SLC35F5: variants seen among roughly 807,000 people sequenced by gnomAD.
SLC35F5 encodes the protein solute carrier family 35 member F5, also known as HCV NS5A-transactivated protein 3.
Under a neutral mutation model 68.6 loss-of-function variants are expected in SLC35F5, and 54 were observed. The observed-to-expected ratio is 0.79, with a 90% CI of 0.63 to 0.99. The LOEUF is 0.99. SLC35F5 is among the 50% of genes least tolerant of loss of function. The pLI is 0.00. For synonymous variants in SLC35F5, 211 were observed against 205.2 expected, an observed-to-expected ratio of 1.03 and a Z score of -0.24; for missense variants, 567 against 626.9, an observed-to-expected ratio of 0.90 and a Z score of 1.02.
At chr2:113,724,718 T>C (rs1687590385) in intron 12 of SLC35F5, among the ~76,000 whole-genome samples, 2 of 152,138 alleles carry the variant, frequency 1.3e-5, no homozygotes, top group Non-Finnish European at 2.9e-5. Context: ...CATTTCAAGT[T>C]TCTATTAAAT....
chr2:113,735,803 ATAGCAACTT>A lies in SLC35F5; in HGVS notation c.797_805del (p.Gln266_Ile269delinsLeu). 1 of 1,607,478 alleles carries A rather than the reference ATAGCAACTT, an allele frequency of 6.2e-7. No homozygotes were observed. The highest frequency in any genetic ancestry group is 8.5e-7 in the Non-Finnish European group (1 of 1,177,588). On this transcript the variant is annotated inframe_deletion, in exon 8 of 16. Coordinates refer to ENST00000245680, the MANE Select transcript of SLC35F5 (RefSeq NM_025181.5). ...GGAAGTTGAAGATAAAATATTAACT[ATAGCAACTT>A]GTGTGTCTGAAAGTGCTTCTTGATA...
At chr2:113,730,352 T>C (rs541212129) in intron 10 of SLC35F5, among the ~76,000 whole-genome samples, 4 of 152,310 alleles carry the variant, frequency 2.6e-5, no homozygotes, top group African/African-American at 9.6e-5. Flanking sequence ...ACGAATGTTT[T>C]ATTAAATTTT....
At chr2:113,743,382 T>C (rs563520257) in intron 6 of SLC35F5, among the ~76,000 whole-genome samples, 1 of 152,200 alleles carries the variant, frequency 6.6e-6, no homozygotes, top group Non-Finnish European at 1.5e-5. Context: ...AAAACTCTTA[T>C]AATTTGCTAT....
intron 9 of SLC35F5, among the ~76,000 whole-genome samples, chr2:113,731,874 T>C (rs1329530325): frequency 1.3e-5 from 2 of 152,152 alleles, no homozygotes; most frequent in Non-Finnish European, 2.9e-5. Flanking sequence ...TTATACCTTA[T>C]AAGGAAGTGT....
rs1343899043 is a variant in SLC35F5, at chr2:113,709,665, A to G, written c.*5553T>C. 6.6e-6 allele frequency among the ~76,000 whole-genome samples: 1 copy of G among 152,184 alleles called. No individual in the cohort carries two copies. Among genetic ancestry groups the G allele is most frequent in the African/African-American group, 2.4e-5 (1 of 41,444 alleles). Reference sequence around the variant, plus strand: ...ACGTCAGAGTTAGTGCTCTTCTCAGAGTAATAATCTGCAAAGTGTGGTCCT... The same window carrying G: ...ACGTCAGAGTTAGTGCTCTTCTCAGGGTAATAATCTGCAAAGTGTGGTCCT... On this transcript the variant is annotated 3_prime_UTR_variant, in exon 16 of 16. Transcript: ENST00000245680.
At chr2:113,703,970 T>C (rs1301926463), downstream of SLC35F5, 1 of 152,486 alleles carries the variant, frequency 6.6e-6, no homozygotes, top group Non-Finnish European at 1.5e-5. Context: ...ATGTCCGGAG[T>C]TGGTTCCTTC....
intron 1 of SLC35F5, 194 bp downstream of exon 1, chr2:113,756,176 G>T: frequency 6.8e-7 from 1 of 1,462,972 alleles, no homozygotes; most frequent in Non-Finnish European, 9.0e-7. Flanking sequence ...CGCACGCACG[G>T]CTTCCTCAAT....
chr2:113,720,406 C>A (rs145233868), intron 13 of SLC35F5, among the ~76,000 whole-genome samples: 14 of 151,032 alleles, frequency 9.3e-5, no homozygotes, highest in East Asian at 5.8e-4. Flanking sequence ...TTTCATAGCA[C>A]CATTAGTCAG....
In SLC35F5 at chr2:113,729,409, A is replaced by T. The variant is rs753184039; in HGVS notation, c.1082T>A (p.Met361Lys). The T allele has an allele frequency of 4.7e-6, 7 of 1,487,554 alleles. No homozygotes were observed. Among genetic ancestry groups the T allele is most frequent in the Non-Finnish European group, 6.5e-6 (7 of 1,075,166 alleles). 92.1% of individuals were successfully genotyped at this position (1,487,554 alleles called of 1,614,324 possible). The change falls in exon 11 of 16, where the codon ATG (methionine) becomes AAG (lysine). Residue 361 changes from methionine to lysine, a missense_variant. Transcript: ENST00000245680. ...VDREDKLDIP[M>K]FFGFVGLFNL... ...GTTACATATATTCTTACCAAAGAAC[A>T]TTGGAATATCCAACTTGTCTTCTCT...
chr2:113,734,313 G>A (rs1688005217), intron 9 of SLC35F5, among the ~76,000 whole-genome samples: 1 of 152,200 alleles, frequency 6.6e-6, no homozygotes, highest in Non-Finnish European at 1.5e-5. Flanking sequence ...GCTACATTAA[G>A]TGTGAACGTC....
At chr2:113,705,844 G>A (rs745667795), downstream of SLC35F5, among the ~76,000 whole-genome samples, 3 of 151,800 alleles carry the variant, frequency 2.0e-5, no homozygotes, top group Non-Finnish European at 2.9e-5. Context: ...TATTTTTCAT[G>A]TTTTATATAT....
intron 7 of SLC35F5, among the ~76,000 whole-genome samples, chr2:113,737,399 C>G (rs1688132920): frequency 6.6e-6 from 1 of 152,162 alleles, no homozygotes; most frequent in South Asian, 2.1e-4. Flanking sequence ...ATTTCACATG[C>G]CTATCTAGAT....
chr2:113,704,632 G>A (rs1191399964), downstream of SLC35F5, among the ~76,000 whole-genome samples: 3 of 152,130 alleles, frequency 2.0e-5, no homozygotes, highest in South Asian at 4.1e-4. Flanking sequence ...CACACCCTCC[G>A]CAGCCGCTGG....
intron 12 of SLC35F5, 105 bp downstream of exon 12, chr2:113,725,273 G>C (rs1687614955): frequency 3.0e-6 from 3 of 1,005,070 alleles, no homozygotes; most frequent in South Asian, 2.9e-5. Context: ...GTGTGTTGCA[G>C]AATGGGGTGC....
chr2:113,726,683 CA>C (rs1194963724), intron 11 of SLC35F5, among the ~76,000 whole-genome samples: 2 of 152,106 alleles, frequency 1.3e-5, no homozygotes, highest in Non-Finnish European at 2.9e-5. Flanking sequence ...AGCAAGTTCC[CA>C]CCCTCCACTC....
At chr2:113,744,405 C>A (rs558912515) in intron 5 of SLC35F5, among the ~76,000 whole-genome samples, 1 of 152,186 alleles carries the variant, frequency 6.6e-6, no homozygotes, top group South Asian at 2.1e-4. Context: ...TATTGAGTAC[C>A]AACTCTAGAG....
At chr2:113,718,567 A>T (rs1574209908) in intron 14 of SLC35F5, among the ~76,000 whole-genome samples, 1 of 152,238 alleles carries the variant, frequency 6.6e-6, no homozygotes, top group Non-Finnish European at 1.5e-5. Context: ...GTTACTAGGC[A>T]GGCAAATCAC....
chr2:113,753,055 G>A (rs762152087), intron 3 of SLC35F5, among the ~76,000 whole-genome samples: 8 of 150,694 alleles, frequency 5.3e-5, no homozygotes, highest in Non-Finnish European at 1.2e-4. Flanking sequence ...GCTAAGTAAC[G>A]AATACATGGA....
intron 12 of SLC35F5, 81 bp from the exon 13 acceptor site, chr2:113,723,275 A>C (rs1332448037): frequency 1.1e-6 from 1 of 880,442 alleles, no homozygotes; most frequent in African/African-American, 1.8e-5. Context: ...TCTATCCTAT[A>C]ATATAGGCCT....
Sources: allele counts gnomAD v4.1 joint callset (sites outside exome capture counted in the v4.1 genomes callset), GRCh38; gene constraint gnomAD v4.1.1; transcripts MANE v1.5; gene names NCBI Gene and HGNC (gene_info 2026-07-23, HGNC 2026-07-21).